Variants in GPR176 observed in about 807,000 individuals in gnomAD.
The protein encoded by GPR176 is G protein-coupled receptor 176, also known as G-protein coupled receptor 176.
Under a neutral mutation model 35.4 loss-of-function variants are expected in GPR176, and 26 were observed. The observed-to-expected ratio is 0.74, with a 90% CI of 0.54 to 1.02. GPR176 has a LOEUF of 1.02. Among genes scored for constraint, GPR176 ranks in the 50% least tolerant of loss-of-function variants. The pLI is 0.00. For missense variants in GPR176, 597 were observed against 665.3 expected (o/e 0.90, Z 1.13); for synonymous variants, 278 against 271.3 (o/e 1.02, Z -0.24).
At chr15:39,840,700 T>C (rs1407524946) in intron 1 of GPR176, among the ~76,000 whole-genome samples, 1 of 152,132 alleles carries the variant, frequency 6.6e-6, no homozygotes, top group Non-Finnish European at 1.5e-5. Context: ...AAGTCGATTG[T>C]AACCTTAAAT....
chr15:39,847,762 A>AG lies in GPR176; in HGVS notation c.173-40505_173-40504insC, dbSNP rs1429433408. ...TGTCTCAAAAAAAAAAAAAAAAAAA[A>AG]AAGAAGTCATGGTTATCTTAATATC... is the stretch of plus-strand genomic sequence containing the variant. On this transcript the variant is annotated intron_variant, in intron 1 of 2. Transcript: ENST00000561100. Among the ~76,000 whole-genome samples the AG allele has an allele frequency of 8.9e-3, 1,335 of 150,476 alleles. 6 individuals carry two copies. The highest frequency in any genetic ancestry group is 0.014 in the Non-Finnish European group (971 of 67,434).
chr15:39,824,463 C>T (rs1900492277), intron 1 of GPR176, among the ~76,000 whole-genome samples: 1 of 152,230 alleles, frequency 6.6e-6, no homozygotes, highest in South Asian at 2.1e-4. Context: ...ACCACCAATG[C>T]ACATCAGGCC....
At chr15:39,831,148 T>C (rs17718330) in intron 1 of GPR176, among the ~76,000 whole-genome samples, 35,089 of 152,146 alleles carry the variant, frequency 0.23, 4,683 homozygotes, top group Non-Finnish European at 0.3. Context: ...GAGCAAACAA[T>C]GGAAATTTGG....
At chr15:39,876,914 G>A (rs2032270821) in intron 1 of GPR176, among the ~76,000 whole-genome samples, 2 of 151,806 alleles carry the variant, frequency 1.3e-5, no homozygotes, top group South Asian at 4.2e-4. Context: ...AAGAGAATAG[G>A]TGATCTACAT....
chr15:39,802,433 A>T (rs1467870311), intron 2 of GPR176, among the ~76,000 whole-genome samples, 179 bp from the exon 3 acceptor site: 1 of 152,252 alleles, frequency 6.6e-6, no homozygotes, highest in East Asian at 1.9e-4. Flanking sequence ...TTGCAAGTAC[A>T]ATAAGAAGCG....
intron 1 of GPR176, among the ~76,000 whole-genome samples, chr15:39,809,970 C>T (rs577644787): frequency 4.6e-5 from 7 of 151,966 alleles, no homozygotes; most frequent in Non-Finnish European, 8.8e-5. Context: ...ATGGTGAAAC[C>T]CCGTCTCTAC....
intron 1 of GPR176, among the ~76,000 whole-genome samples, chr15:39,831,137 T>C (rs1200964282): frequency 1.3e-5 from 2 of 152,200 alleles, no homozygotes; most frequent in African/African-American, 2.4e-5. Flanking sequence ...TTTAGGTACT[T>C]GAGCAAACAA....
chr15:39,890,597 G>A (rs928880368), intron 1 of GPR176, among the ~76,000 whole-genome samples: 1 of 151,626 alleles, frequency 6.6e-6, no homozygotes, highest in African/African-American at 2.4e-5. Context: ...TTTTAAACAG[G>A]TTTGTGGCAT....
At chr15:39,813,339 C>T (rs1171880251) in intron 1 of GPR176, 1 of 152,194 alleles carries the variant, frequency 6.6e-6, no homozygotes, top group African/African-American at 2.4e-5. Context: ...TCTTGCAGTA[C>T]AGGTCTGCTA....
chr15:39,895,745 TTAA>T (rs1424185190), intron 1 of GPR176, among the ~76,000 whole-genome samples: 1 of 152,210 alleles, frequency 6.6e-6, no homozygotes, highest in Non-Finnish European at 1.5e-5. Context: ...ACTAAAAACA[TTAA>T]TAATATTTGC....
At chr15:39,854,282 T>C (rs2031063827) in intron 1 of GPR176, among the ~76,000 whole-genome samples, 1 of 152,180 alleles carries the variant, frequency 6.6e-6, no homozygotes, top group Non-Finnish European at 1.5e-5. Context: ...TGTCTTCTCA[T>C]TCCAGTGTCT....
intron 1 of GPR176, among the ~76,000 whole-genome samples, chr15:39,874,605 G>T (rs901684457): frequency 6.6e-6 from 1 of 152,124 alleles, no homozygotes; most frequent in Non-Finnish European, 1.5e-5. Flanking sequence ...GCATACTTAG[G>T]GAAGTCATCA....
At chr15:39,825,933 G>A (rs928078325) in intron 1 of GPR176, among the ~76,000 whole-genome samples, 1 of 152,154 alleles carries the variant, frequency 6.6e-6, no homozygotes, top group African/African-American at 2.4e-5. Context: ...AATCCAGCTG[G>A]TTCAGGGTTG....
Position 39,893,279 on chromosome 15 carries a change from C to T in GPR176, c.172+26576G>A, listed in dbSNP as rs559682282. On this transcript the variant is annotated intron_variant, in intron 1 of 2. Coordinates refer to ENST00000561100, the MANE Select transcript of GPR176 (RefSeq NM_007223.3). Reference sequence around the variant, plus strand: ...TCCGCAGTGTTTGTGTCCCTGGGTACTTGAGATTAGGGAGTGGTGATGACT... The same window carrying T: ...TCCGCAGTGTTTGTGTCCCTGGGTATTTGAGATTAGGGAGTGGTGATGACT... Among the ~76,000 whole-genome samples the T allele has an allele frequency of 5.7e-4, 87 of 152,134 alleles. No individual in the cohort carries two copies. In the Middle Eastern group the frequency reaches 0.01, roughly 18 times the overall value.
intron 1 of GPR176, among the ~76,000 whole-genome samples, chr15:39,888,688 G>A (rs1477293017): frequency 1.3e-5 from 2 of 152,138 alleles, no homozygotes; most frequent in African/African-American, 4.8e-5. Context: ...CCTACAATGT[G>A]TAAATCATCT....
At chr15:39,890,598 T>C (rs888708372) in intron 1 of GPR176, among the ~76,000 whole-genome samples, 2 of 151,724 alleles carry the variant, frequency 1.3e-5, no homozygotes, top group Non-Finnish European at 3.0e-5. Context: ...TTTAAACAGG[T>C]TTGTGGCATT....
At chr15:39,861,932 C>G (rs2031610498) in intron 1 of GPR176, 2 of 152,192 alleles carry the variant, frequency 1.3e-5, no homozygotes, top group Non-Finnish European at 1.5e-5. Flanking sequence ...ATGACATACC[C>G]AAGTACCACG....
chr15:39,815,703 T>C (rs967804354), intron 1 of GPR176, among the ~76,000 whole-genome samples: 3 of 152,014 alleles, frequency 2.0e-5, no homozygotes, highest in Non-Finnish European at 4.4e-5. Context: ...ACACAGAAAA[T>C]GTAAATTAAT....
At chr15:39,863,235 C>T (rs545900034) in intron 1 of GPR176, among the ~76,000 whole-genome samples, 5 of 151,636 alleles carry the variant, frequency 3.3e-5, no homozygotes, top group South Asian at 2.1e-4. Context: ...CACATCACCA[C>T]GCCTGGCTAA....
Sources: gnomAD v4.1 joint callset for allele counts (sites outside exome capture counted in the v4.1 genomes callset) on GRCh38, gnomAD v4.1.1 for gene constraint, MANE v1.5 for transcripts, NCBI Gene and HGNC (gene_info 2026-07-23, HGNC 2026-07-21) for gene names.